The following CALHM4 variants were observed in gnomAD, a reference collection of about 807,000 sequenced individuals.
The protein encoded by CALHM4 is calcium homeostasis modulator family member 4.
Under a neutral mutation model 13.3 loss-of-function variants are expected in CALHM4, and 16 were observed. The ratio of observed to expected loss-of-function variants is 1.20; its 90% CI spans 0.81 to 1.82. CALHM4 has a LOEUF of 1.82. Ranked by LOEUF, CALHM4 falls within the 40% of genes most tolerant of loss-of-function variation. CALHM4 has a pLI of 0.00. For synonymous variants in CALHM4, 127 were observed against 137.1 expected, an observed-to-expected ratio of 0.93 and a Z score of 0.52; for missense variants, 344 against 374.9, an observed-to-expected ratio of 0.92 and a Z score of 0.68.
At chr6:116,549,763 G>A (rs1205263273), upstream of CALHM4, among the ~76,000 whole-genome samples, 1 of 151,224 alleles carries the variant, frequency 6.6e-6, no homozygotes, top group African/African-American at 2.4e-5. Context: ...ATCACCTGAG[G>A]TCAGAAGTTT....
chr6:116,550,848 A>T (rs1306086986), upstream of CALHM4, among the ~76,000 whole-genome samples: 1 of 152,232 alleles, frequency 6.6e-6, no homozygotes, highest in East Asian at 1.9e-4. Flanking sequence ...TCTATGTGGC[A>T]TCCATTAATT....
chr6:116,542,995 T>C (rs991723378), intron 1 of CALHM4, among the ~76,000 whole-genome samples: 1 of 152,134 alleles, frequency 6.6e-6, no homozygotes, highest in Non-Finnish European at 1.5e-5. Flanking sequence ...CTCATGTTGT[T>C]AATAGAATAA....
chr6:116,558,463 G>T lies in CALHM4; in HGVS notation c.*252G>T. On this transcript the variant is annotated 3_prime_UTR_variant, in exon 2 of 2. Transcript: ENST00000368596. Reference sequence around the variant, plus strand: ...AAGTCACATGGAAATTTGCATCTTAGTTCTGTTACTTAGTAGCTGTGTGAA... The same window carrying T: ...AAGTCACATGGAAATTTGCATCTTATTTCTGTTACTTAGTAGCTGTGTGAA... 2.4e-6 allele frequency: 1 copy of T among 422,392 alleles called. No homozygotes were observed. The highest frequency in any genetic ancestry group is 4.2e-6 in the Non-Finnish European group (1 of 237,142). The allele number at this position is 422,392 out of a possible 1,614,324, so 26.2% of individuals were successfully genotyped here.
chr6:116,553,167 A>C (rs1774157089), upstream of CALHM4, among the ~76,000 whole-genome samples: 1 of 152,262 alleles, frequency 6.6e-6, no homozygotes, highest in South Asian at 2.1e-4. Context: ...TAAGCAGCAT[A>C]TAGCAATATT....
intron 1 of CALHM4, among the ~76,000 whole-genome samples, chr6:116,533,971 C>T (rs181619738): frequency 2.0e-5 from 3 of 152,282 alleles, no homozygotes; most frequent in African/African-American, 7.2e-5. Flanking sequence ...AGCAACACAG[C>T]AGCCTTCTCC....
chr6:116,546,367 G>A (rs1013533520), intron 2 of CALHM4, among the ~76,000 whole-genome samples: 1 of 152,186 alleles, frequency 6.6e-6, no homozygotes, highest in African/African-American at 2.4e-5. Context: ...CAACTGCAGG[G>A]TGCAGAGTAG....
At chr6:116,556,208 C>G (rs6938375) in intron 1 of CALHM4, among the ~76,000 whole-genome samples, 3 of 152,176 alleles carry the variant, frequency 2.0e-5, no homozygotes, top group African/African-American at 7.2e-5. Context: ...AATCCTTTCC[C>G]TTAAGTGAGT....
intron 1 of CALHM4, among the ~76,000 whole-genome samples, chr6:116,542,457 AG>A (rs1483622614): frequency 2.0e-5 from 3 of 152,126 alleles, no homozygotes; most frequent in Non-Finnish European, 2.9e-5. Flanking sequence ...CCTTTTAAAA[AG>A]CTCTAAAATG....
Position 116,557,989 on chromosome 6 carries a change from G to A in CALHM4, c.723G>A (p.Arg241=), listed in dbSNP as rs887359038. ...AACAAGCAGCAGAGCAGCACTCTCG[G>A]CTCCTCATGATGCATCGCATAAAGA... The part of the protein sequence containing the change: ...LFEQAAEQHS[R]LLMMHRIKKL... Residue 241 remains arginine, a synonymous_variant, in exon 2 of 2, where the codon CGG becomes CGA. Coordinates refer to ENST00000368596, the MANE Select transcript of CALHM4 (RefSeq NM_001366078.2). The A allele has an allele frequency of 6.2e-7, 1 of 1,614,096 alleles. No homozygotes were observed. The highest frequency in any genetic ancestry group is 1.6e-4 in the Middle Eastern group (1 of 6,062).
rs1039567392 is a variant in CALHM4, at chr6:116,531,964, C to T, written c.-109+2774C>T. On this transcript the variant is annotated intron_variant, in intron 1 of 2. Coordinates refer to the CALHM4 transcript ENST00000368597. ...CAATAAAATTACCAAGTTGAGTTCG[C>T]TGTCATTATTTAATAAGAATCAGTT... Among the ~76,000 whole-genome samples, 5 of 151,724 alleles carry T rather than the reference C, an allele frequency of 3.3e-5. No homozygotes were observed. The South Asian group carries it at 8.3e-4, about 25-fold the overall frequency.
At chr6:116,529,499 G>C (rs1489369303) in intron 1 of CALHM4, among the ~76,000 whole-genome samples, 3 of 152,142 alleles carry the variant, frequency 2.0e-5, no homozygotes, top group Admixed American at 2.0e-4. Flanking sequence ...GCTGCTTTTG[G>C]TAGACAGAGC....
At chr6:116,543,209 T>G in intron 1 of CALHM4, 1 of 872,074 alleles carries the variant, frequency 1.1e-6, no homozygotes, top group Non-Finnish European at 1.7e-6. Flanking sequence ...GAACAGCTGG[T>G]GAAATGAAGC....
upstream of CALHM4, among the ~76,000 whole-genome samples, chr6:116,551,264 A>G (rs1346059354): frequency 6.6e-6 from 1 of 152,240 alleles, no homozygotes; most frequent in Admixed American, 6.5e-5. Flanking sequence ...AAGTTGATAT[A>G]ACCCCAGAAT....
intron 1 of CALHM4, among the ~76,000 whole-genome samples, chr6:116,536,271 AT>A (rs1773084612): frequency 6.6e-6 from 1 of 152,268 alleles, no homozygotes; most frequent in East Asian, 1.9e-4. Context: ...TCAACTAAAG[AT>A]TTTTGCCTTC....
intron 1 of CALHM4, among the ~76,000 whole-genome samples, chr6:116,534,327 T>C (rs940326123): frequency 3.3e-5 from 5 of 152,208 alleles, no homozygotes; most frequent in Non-Finnish European, 1.5e-5. Context: ...AAATCTGTAT[T>C]GGAGATTGGA....
In CALHM4 at chr6:116,547,064, G is replaced by A. The variant is rs115227032; in HGVS notation, c.-1+3192G>A. 1.4e-3 allele frequency among the ~76,000 whole-genome samples: 206 copies of A among 152,268 alleles called. 1 individual carries two copies. Among genetic ancestry groups the A allele is most frequent in the African/African-American group, 4.8e-3 (201 of 41,546 alleles). ...AGAGAGGTTGAGAAATGTATTCAAG[G>A]TTATCTGGATGTTGGCAACAAGAAG... On this transcript the variant is annotated intron_variant, in intron 2 of 2. Transcript: ENST00000368597.
upstream of CALHM4, among the ~76,000 whole-genome samples, chr6:116,550,271 C>T (rs1198726021): frequency 6.6e-6 from 1 of 151,866 alleles, no homozygotes; most frequent in African/African-American, 2.4e-5. Context: ...GAGTGTCACT[C>T]GTAAGCAGCA....
intron 2 of CALHM4, among the ~76,000 whole-genome samples, chr6:116,544,903 C>G (rs1011861573): frequency 6.6e-6 from 1 of 151,814 alleles, no homozygotes; most frequent in Non-Finnish European, 1.5e-5. Flanking sequence ...GTGACTAAAA[C>G]TATAAGAGAG....
intron 1 of CALHM4, among the ~76,000 whole-genome samples, chr6:116,542,798 A>G (rs893669478): frequency 6.6e-6 from 1 of 152,118 alleles, no homozygotes; most frequent in African/African-American, 2.4e-5. Flanking sequence ...TAAAAATGCT[A>G]TCTTAAAATA....
Sources: gnomAD v4.1 joint callset for allele counts (sites outside exome capture counted in the v4.1 genomes callset) on GRCh38, gnomAD v4.1.1 for gene constraint, MANE v1.5 for transcripts, NCBI Gene and HGNC (gene_info 2026-07-23, HGNC 2026-07-21) for gene names.